Variants in POMK observed in about 807,000 individuals in gnomAD.
POMK encodes the protein Sugen kinase 196.
POMK carries 19 observed loss-of-function variants against 23.0 expected under a neutral mutation model. The ratio of observed to expected loss-of-function variants is 0.83; its 90% confidence interval spans 0.58 to 1.21. POMK has a LOEUF of 1.21. Among genes scored for constraint, POMK ranks in the 50% most tolerant of loss-of-function variants. The pLI, the probability that POMK is intolerant of heterozygous loss-of-function variation, is 0.00. For synonymous variants in POMK, 173 were observed against 171.6 expected (o/e 1.01, Z -0.06); for missense variants, 410 against 431.3 (o/e 0.95, Z 0.44).
At chr8:43,109,829 C>A (rs992589803) in intron 4 of POMK, among the ~76,000 whole-genome samples, 6 of 152,178 alleles carry the variant, frequency 3.9e-5, no homozygotes, top group Non-Finnish European at 7.3e-5. Context: ...GCGTGAGCCA[C>A]CACACCTGGC....
chr8:43,121,871 A>G (rs1811923068), intron 4 of POMK, among the ~76,000 whole-genome samples: 1 of 152,172 alleles, frequency 6.6e-6, no homozygotes. Context: ...CCCAGAGGCA[A>G]TCGCTTCCTG....
chr8:43,093,796 A>G (rs1396050523), intron 1 of POMK, among the ~76,000 whole-genome samples: 1 of 152,222 alleles, frequency 6.6e-6, no homozygotes, highest in Non-Finnish European at 1.5e-5. Flanking sequence ...TTAAAGAACC[A>G]GAGAAGGGCC....
At chr8:43,114,060 G>C (rs933984589) in intron 4 of POMK, among the ~76,000 whole-genome samples, 2 of 152,186 alleles carry the variant, frequency 1.3e-5, no homozygotes, top group East Asian at 3.9e-4. Flanking sequence ...GGGGGTCAGG[G>C]GTCAGGGACC....
intron 4 of POMK, among the ~76,000 whole-genome samples, chr8:43,114,832 A>G (rs1024373501): frequency 3.3e-5 from 5 of 152,224 alleles, no homozygotes; most frequent in African/African-American, 1.2e-4. Flanking sequence ...CATCTCAAGG[A>G]CACAGTACAC....
At chr8:43,114,022 T>A (rs946113082) in intron 4 of POMK, among the ~76,000 whole-genome samples, 2 of 152,338 alleles carry the variant, frequency 1.3e-5, no homozygotes, top group South Asian at 4.1e-4. Context: ...CTGCCCCTAC[T>A]GGGGGCTGCC....
At chr8:43,103,483 G>A in intron 3 of POMK, 45 bp from the exon 4 acceptor site, 7 of 1,581,198 alleles carry the variant, frequency 4.4e-6, no homozygotes, top group Non-Finnish European at 5.2e-6. Context: ...ATGAAAGGAA[G>A]TGAAAGCTGA....
chr8:43,114,506 C>T (rs1029877036), intron 4 of POMK, among the ~76,000 whole-genome samples: 7 of 152,202 alleles, frequency 4.6e-5, no homozygotes, highest in South Asian at 2.1e-4. Flanking sequence ...TTCCAGGTGC[C>T]GTCTGTCACC....
chr8:43,118,466 C>T (rs1811847107), intron 4 of POMK, among the ~76,000 whole-genome samples: 1 of 152,134 alleles, frequency 6.6e-6, no homozygotes, highest in Admixed American at 6.6e-5. Context: ...GGGAGACATC[C>T]TGCCTATCCT....
intron 4 of POMK, among the ~76,000 whole-genome samples, chr8:43,119,474 C>A (rs966274103): frequency 2.4e-5 from 3 of 124,980 alleles, no homozygotes; most frequent in Non-Finnish European, 4.8e-5. Flanking sequence ...AAGTCTCTAA[C>A]CAGGCTGGTG....
intron 4 of POMK, among the ~76,000 whole-genome samples, chr8:43,110,443 G>A (rs1423373622): frequency 6.6e-6 from 1 of 152,144 alleles, no homozygotes; most frequent in African/African-American, 2.4e-5. Context: ...TATTTAACAG[G>A]CCTAACAACC....
At chr8:43,098,271 C>T (rs926298992) in intron 2 of POMK, among the ~76,000 whole-genome samples, 1 of 152,186 alleles carries the variant, frequency 6.6e-6, no homozygotes, top group South Asian at 2.1e-4. Context: ...CTGTCAGCAG[C>T]TATTCCACCC....
chr8:43,108,092 C>T (rs1811580667), intron 4 of POMK, among the ~76,000 whole-genome samples: 1 of 152,166 alleles, frequency 6.6e-6, no homozygotes, highest in Non-Finnish European at 1.5e-5. Context: ...TAGGTTTGTA[C>T]CTTCAAATAC....
rs1420892395 is a variant in POMK, at chr8:43,122,893, A to T, written c.*16A>T. ...GATGCTGTGAAAACCAGTCCAGCCA[A>T]TGAAGGTGGGATTGAAGGGCTGAAT... On this transcript the variant is annotated 3_prime_UTR_variant, in exon 5 of 5. Coordinates refer to ENST00000331373, the MANE Select transcript of POMK (RefSeq NM_032237.5). The T allele has an allele frequency of 1.9e-6, 3 of 1,588,496 alleles. No individual in the cohort carries two copies. The African/African-American group carries it at 4.0e-5, about 21-fold the overall frequency.
At chr8:43,103,933 T>G in intron 4 of POMK, 103 bp downstream of exon 4, 2 of 1,182,584 alleles carry the variant, frequency 1.7e-6, no homozygotes, top group Non-Finnish European at 1.2e-6. Context: ...ATTTCATCCT[T>G]TGTTACTGCC....
intron 4 of POMK, among the ~76,000 whole-genome samples, chr8:43,113,533 A>G (rs1267615837): frequency 6.6e-6 from 1 of 152,170 alleles, no homozygotes; most frequent in Non-Finnish European, 1.5e-5. Flanking sequence ...CAAAGTTTTC[A>G]ACTTCTTTGC....
At chr8:43,120,275 G>A (rs1371373611) in intron 4 of POMK, among the ~76,000 whole-genome samples, 1 of 151,270 alleles carries the variant, frequency 6.6e-6, no homozygotes, top group Non-Finnish European at 1.5e-5. Flanking sequence ...GCAATGGTGT[G>A]ATCTTGGCTC....
chr8:43,119,058 G>A (rs1230473228), intron 4 of POMK, among the ~76,000 whole-genome samples: 3 of 152,108 alleles, frequency 2.0e-5, no homozygotes, highest in South Asian at 2.1e-4. Flanking sequence ...TGATCCACCC[G>A]CCTCGGCCTC....
Position 43,103,596 on chromosome 8 carries a change from G to A in POMK, c.48G>A (p.Glu16=). Residue 16 remains glutamate, a synonymous_variant, in exon 4 of 5, where the codon GAG becomes GAA. Coordinates refer to ENST00000331373, the MANE Select transcript of POMK (RefSeq NM_032237.5). ...GCAGGAGAGGCCTCGCCCCCCGAGA[G>A]GTGCCGCCAGCTGTTGGGCTGCTGC... ...QNSRRGLAPR[E]VPPAVGLLLI... is the part of the protein sequence containing the mutation. The A allele has an allele frequency of 6.2e-7, 1 of 1,614,156 alleles. No individual in the cohort carries two copies. The highest frequency in any genetic ancestry group is 1.1e-5 in the South Asian group (1 of 91,074).
At chr8:43,108,718 A>G (rs1206889632) in intron 4 of POMK, among the ~76,000 whole-genome samples, 1 of 152,172 alleles carries the variant, frequency 6.6e-6, no homozygotes, top group Non-Finnish European at 1.5e-5. Context: ...CTCCAGAGTT[A>G]TCAGAAACTT....
Sources: allele counts gnomAD v4.1 joint callset (sites outside exome capture counted in the v4.1 genomes callset), GRCh38; gene constraint gnomAD v4.1.1; transcripts MANE v1.5; gene names NCBI Gene and HGNC (gene_info 2026-07-23, HGNC 2026-07-21).